Variants in EYS observed in about 807,000 individuals in gnomAD.
The protein encoded by EYS is EGF-like photoreceptor maintenance factor.
EYS carries 250 observed loss-of-function variants against 282.1 expected under a neutral mutation model. The ratio of observed to expected loss-of-function variants is 0.89; its 90% confidence interval spans 0.80 to 0.98. The LOEUF is 0.98. Among genes scored for constraint, EYS ranks in the 50% least tolerant of loss-of-function variants. The pLI is 0.00. For missense variants in EYS, 4,016 were observed against 3,709.0 expected, an observed-to-expected ratio of 1.08 and a Z score of -2.15; for synonymous variants, 1,355 against 1,282.9, an observed-to-expected ratio of 1.06 and a Z score of -1.20.
intron 29 of EYS, among the ~76,000 whole-genome samples, chr6:64,310,389 C>G (rs1270802485): frequency 1.3e-5 from 2 of 152,166 alleles, no homozygotes; most frequent in Non-Finnish European, 2.9e-5. Context: ...CAATGGAATA[C>G]TACACAGCCA....
At chr6:64,725,421 AT>A (rs1264298012) in intron 22 of EYS, among the ~76,000 whole-genome samples, 2 of 151,960 alleles carry the variant, frequency 1.3e-5, no homozygotes, top group Non-Finnish European at 2.9e-5. Context: ...CCAAAGTATC[AT>A]ATCTTATTGA....
chr6:64,715,401 T>C (rs886537032), intron 22 of EYS, among the ~76,000 whole-genome samples: 12 of 152,342 alleles, frequency 7.9e-5, no homozygotes, highest in African/African-American at 2.9e-4. Flanking sequence ...TCAGTGCTTT[T>C]GTGGCAATCT....
intron 22 of EYS, among the ~76,000 whole-genome samples, chr6:64,709,162 A>C (rs1771126118): frequency 6.6e-6 from 1 of 152,148 alleles, no homozygotes; most frequent in Non-Finnish European, 1.5e-5. Context: ...TGAGTGTTAG[A>C]ATTTTCTTTG....
intron 2 of EYS, among the ~76,000 whole-genome samples, chr6:65,537,678 T>C (rs1046965052): frequency 1.3e-5 from 2 of 152,150 alleles, no homozygotes; most frequent in African/African-American, 4.8e-5. Context: ...GACTAATGGA[T>C]ACTTTAAGAT....
intron 35 of EYS, among the ~76,000 whole-genome samples, chr6:63,877,003 C>G (rs1772991316): frequency 6.6e-6 from 1 of 152,126 alleles, no homozygotes; most frequent in South Asian, 2.1e-4. Context: ...GAATTTGATC[C>G]TGTCATTATG....
chr6:65,264,152 T>A (rs1767691495), intron 12 of EYS, among the ~76,000 whole-genome samples: 1 of 151,530 alleles, frequency 6.6e-6, no homozygotes, highest in South Asian at 2.1e-4. Context: ...CAATGATATG[T>A]CTTTCCAGTT....
At chr6:63,962,333 C>A (rs944534964) in intron 35 of EYS, among the ~76,000 whole-genome samples, 2 of 152,072 alleles carry the variant, frequency 1.3e-5, no homozygotes, top group Middle Eastern at 3.4e-3. Flanking sequence ...ACCTGCAGAA[C>A]GGGAGAAAAA....
chr6:64,983,257 A>C (rs1434508281), intron 14 of EYS, among the ~76,000 whole-genome samples: 1 of 151,206 alleles, frequency 6.6e-6, no homozygotes, highest in Non-Finnish European at 1.5e-5. Flanking sequence ...GTACAATATG[A>C]AGTAAGTGAT....
chr6:64,328,890 T>C (rs1222988329), intron 29 of EYS, among the ~76,000 whole-genome samples: 1 of 151,858 alleles, frequency 6.6e-6, no homozygotes, highest in Non-Finnish European at 1.5e-5. Flanking sequence ...CTGAGAGAGA[T>C]CAATGTGTGA....
intron 36 of EYS, among the ~76,000 whole-genome samples, chr6:63,829,640 G>T (rs1363008290): frequency 6.6e-6 from 1 of 152,158 alleles, no homozygotes; most frequent in South Asian, 2.1e-4. Context: ...CTGGGGGCAG[G>T]GCATAGCTGA....
chr6:65,119,497 C>T (rs1041522), intron 12 of EYS, among the ~76,000 whole-genome samples: 82,131 of 151,744 alleles, frequency 0.54, 23,018 homozygotes, highest in African/African-American at 0.66. Flanking sequence ...TGTTCAAGCA[C>T]TGATGGTCAT....
At chr6:65,465,907 G>A (rs527900723) in intron 5 of EYS, among the ~76,000 whole-genome samples, 3 of 152,174 alleles carry the variant, frequency 2.0e-5, no homozygotes, top group Non-Finnish European at 2.9e-5. Context: ...GGGAAATTGA[G>A]GCTGCAGTGA....
At chr6:63,733,991 G>A (rs1212755142) in intron 41 of EYS, among the ~76,000 whole-genome samples, 2 of 152,140 alleles carry the variant, frequency 1.3e-5, no homozygotes, top group African/African-American at 4.8e-5. Context: ...ATCAGCAGGT[G>A]GAGGCAATTG....
At chr6:64,874,342 C>T (rs906637029) in intron 19 of EYS, among the ~76,000 whole-genome samples, 1 of 152,088 alleles carries the variant, frequency 6.6e-6, no homozygotes, top group African/African-American at 2.4e-5. Flanking sequence ...GTATCGAATT[C>T]TCTTTTCTTC....
At chr6:64,851,058 T>C (rs567117716) in intron 19 of EYS, among the ~76,000 whole-genome samples, 1 of 152,154 alleles carries the variant, frequency 6.6e-6, no homozygotes, top group African/African-American at 2.4e-5. Context: ...AAATGAGATA[T>C]CAATTAGCAT....
At chr6:64,172,229 G>T (rs953557146) in intron 31 of EYS, among the ~76,000 whole-genome samples, 1 of 150,918 alleles carries the variant, frequency 6.6e-6, no homozygotes, top group Non-Finnish European at 1.5e-5. Context: ...TTTAATTCTG[G>T]TAAGAACACT....
intron 2 of EYS, among the ~76,000 whole-genome samples, chr6:65,515,309 G>A (rs1251674430): frequency 2.0e-5 from 3 of 152,018 alleles, no homozygotes; most frequent in Non-Finnish European, 2.9e-5. Flanking sequence ...TGGAGAGGAT[G>A]TGGAGAAATA....
chr6:65,220,023 A>G (rs1169968957), intron 12 of EYS, among the ~76,000 whole-genome samples: 1 of 152,112 alleles, frequency 6.6e-6, no homozygotes, highest in Admixed American at 6.5e-5. Flanking sequence ...GGCAAACCAT[A>G]TCAATAATTG....
intron 13 of EYS, among the ~76,000 whole-genome samples, chr6:64,998,454 G>C (rs1771349825): frequency 6.6e-6 from 1 of 152,112 alleles, no homozygotes; most frequent in Non-Finnish European, 1.5e-5. Context: ...TAAATGCTTA[G>C]GTCTTCAGTG....
Sources: gnomAD v4.1 joint callset for allele counts (sites outside exome capture counted in the v4.1 genomes callset) on GRCh38, gnomAD v4.1.1 for gene constraint, MANE v1.5 for transcripts, NCBI Gene and HGNC (gene_info 2026-07-23, HGNC 2026-07-21) for gene names.